Variants in CYP2R1 observed in about 807,000 individuals in gnomAD.
The protein encoded by CYP2R1 is cytochrome P450 family 2 subfamily R member 1.
CYP2R1 carries 40 observed loss-of-function variants against 45.7 expected under a neutral mutation model. The observed-to-expected ratio is 0.87, with a 90% CI of 0.68 to 1.14. The LOEUF (loss-of-function observed/expected upper bound fraction) is 1.14. CYP2R1 is among the 50% of genes most tolerant of loss of function. The pLI, the probability that CYP2R1 is intolerant of heterozygous loss-of-function variation, is 0.00. For missense variants in CYP2R1, 605 were observed against 602.6 expected (o/e 1.00, Z -0.04); for synonymous variants, 234 against 219.3 (o/e 1.07, Z -0.59).
chr11:14,882,788 T>C (rs919953656), intron 2 of CYP2R1, among the ~76,000 whole-genome samples: 18 of 152,200 alleles, frequency 1.2e-4, no homozygotes, highest in African/African-American at 3.6e-4. Context: ...AAAACCCCAC[T>C]GTCTCAGCCC....
chr11:14,882,199 A>G (rs1848414064), intron 2 of CYP2R1, among the ~76,000 whole-genome samples: 1 of 152,146 alleles, frequency 6.6e-6, no homozygotes, highest in Admixed American at 6.6e-5. Flanking sequence ...GGAATGTATC[A>G]GGGAACAAAA....
chr11:14,879,502 T>A, intron 3 of CYP2R1, 59 bp from the exon 4 acceptor site: 1 of 1,340,042 alleles, frequency 7.5e-7, no homozygotes, highest in Non-Finnish European at 1.0e-6. Flanking sequence ...CCTAAAGTTA[T>A]TTCCCTCTGG....
chr11:14,878,539 A>G (rs547749720), intron 4 of CYP2R1, among the ~76,000 whole-genome samples: 4 of 152,068 alleles, frequency 2.6e-5, no homozygotes, highest in Non-Finnish European at 4.4e-5. Flanking sequence ...TCCATCTCCC[A>G]CTTCCCTCCT....
Position 14,879,153 on chromosome 11 carries a change from A to C in CYP2R1, c.1291T>G (p.Tyr431Asp), listed in dbSNP as rs372849037. ...HPERFLDSSGYFAKKEALVPF... is the reference protein window; with the variant it reads ...HPERFLDSSGDFAKKEALVPF... The stretch of plus-strand genomic sequence containing the variant: ...ACCAAAGCTTCCTTCTTGGCAAAAT[A>C]TCCACTGCTGTCCAGAAATCGCTCA... Residue 431 changes from tyrosine (Y) to aspartate (D), a missense_variant, in exon 4 of 5, where the codon TAT (tyrosine) becomes GAT (aspartate). Transcript: ENST00000334636. The C allele has an allele frequency of 3.7e-6, 6 of 1,613,094 alleles. No homozygotes were observed. The Admixed American group carries it at 1.0e-4, about 27-fold the overall frequency.
chr11:14,891,868 G>A (rs1048289239), intron 1 of CYP2R1, 113 bp downstream of exon 1: 2 of 1,410,402 alleles, frequency 1.4e-6, no homozygotes, highest in Admixed American at 2.8e-5. Context: ...GCCGGCACAC[G>A]GAGAGGTCCC....
At position 14,880,485 on chromosome 11, in the gene CYP2R1, A is replaced by G. The variant is rs111576400; in HGVS notation, c.651T>C (p.Asn217=). 2,719 of 1,613,472 alleles carry G rather than the reference A, an allele frequency of 1.7e-3. 29 individuals are homozygous for G. The African/African-American group carries it at 0.025, about 15-fold the overall frequency. The change falls in exon 3 of 5, where the codon AAT becomes AAC. Residue 217 remains asparagine, a synonymous_variant. Transcript: ENST00000334636. ...CTGAGGCACTGGCAGCTAGTTCCAC[A>G]TTTTCACTAAATAACTCAATCATGT... ...FQHMIELFSE[N]VELAASASVF...
intron 1 of CYP2R1, chr11:14,890,950 G>A (rs1385743617): frequency 2.4e-5 from 24 of 985,298 alleles, no homozygotes; most frequent in Non-Finnish European, 2.8e-5. Flanking sequence ...TCAAAACACT[G>A]ACCACAGCCT....
At chr11:14,891,831 C>G (rs1385773625) in intron 1 of CYP2R1, 150 bp downstream of exon 1, 18 of 1,421,910 alleles carry the variant, frequency 1.3e-5, no homozygotes, top group Admixed American at 5.8e-5. Flanking sequence ...CTTCCAGACC[C>G]GGGAAGCGGG....
At position 14,892,069 on chromosome 11, in the gene CYP2R1, AGCCCCGGCG is replaced by A. The variant is rs1269929901; in HGVS notation, c.128_136del (p.Pro43_Gly45del). 2 of 1,611,948 alleles carry A rather than the reference AGCCCCGGCG, an allele frequency of 1.2e-6. No homozygotes were observed. Among genetic ancestry groups the A allele is most frequent in the South Asian group, 1.1e-5 (1 of 91,064 alleles). The stretch of plus-strand genomic sequence containing the variant: ...GGAATAGATGTTGCCGATAAATGGC[AGCCCCGGCG>A]GCCCCGGGGGGAAGCCCATCGGCCG... On this transcript the variant is annotated inframe_deletion, in exon 1 of 5. Transcript: ENST00000334636.
chr11:14,885,613 C>A (rs1162333877), intron 2 of CYP2R1, among the ~76,000 whole-genome samples, 163 bp downstream of exon 2: 2 of 152,062 alleles, frequency 1.3e-5, no homozygotes, highest in African/African-American at 4.8e-5. Flanking sequence ...CTAAAATATG[C>A]GTGTAGTACA....
intron 4 of CYP2R1, 67 bp downstream of exon 4, chr11:14,879,047 G>T: frequency 7.9e-7 from 1 of 1,263,268 alleles, no homozygotes. Context: ...TTCAGATTAA[G>T]ATGCTGTATC....
At chr11:14,879,783 G>A (rs989618873) in intron 3 of CYP2R1, among the ~76,000 whole-genome samples, 6 of 152,102 alleles carry the variant, frequency 3.9e-5, no homozygotes, top group African/African-American at 1.2e-4. Context: ...AAAGACATAA[G>A]TAATAAGAAT....
intron 2 of CYP2R1, among the ~76,000 whole-genome samples, chr11:14,884,235 T>C (rs1462716764): frequency 6.6e-6 from 1 of 151,932 alleles, no homozygotes; most frequent in Non-Finnish European, 1.5e-5. Context: ...TGCACACATA[T>C]GTTTATTGCG....
rs1555017371 is a variant in CYP2R1, at chr11:14,892,131, T to C, written c.75A>G (p.Leu25=). Residue 25 remains leucine (L), a synonymous_variant, in exon 1 of 5, where the codon CTA becomes CTG. Transcript: ENST00000334636. ...GGALFLLLFA[L]GVRQLLKQRR... ...TCTGCTTCAGCAGCTGGCGGACCCC[T>C]AGCGCGAAGAGCAGCAGGAAGAGCG... 2.5e-6 allele frequency: 4 copies of C among 1,611,572 alleles called. No homozygotes were observed. The highest frequency in any genetic ancestry group is 4.5e-5 in the East Asian group (2 of 44,848).
At chr11:14,886,430 C>A (rs1848623110) in intron 1 of CYP2R1, 1 of 158,704 alleles carries the variant, frequency 6.3e-6, no homozygotes, top group South Asian at 1.8e-4. Context: ...TGTAACTAAG[C>A]CCATTTGTAT....
At chr11:14,888,421 T>C (rs1419236512) in intron 1 of CYP2R1, among the ~76,000 whole-genome samples, 2 of 152,212 alleles carry the variant, frequency 1.3e-5, no homozygotes, top group Non-Finnish European at 2.9e-5. Context: ...AACAGACAAA[T>C]GTGCAAAGTG....
chr11:14,879,321 C>A lies in CYP2R1; in HGVS notation c.1123G>T (p.Val375Phe). 2.5e-6 allele frequency: 4 copies of A among 1,613,092 alleles called. No individual in the cohort carries two copies. Among genetic ancestry groups the A allele is most frequent in the Non-Finnish European group, 3.4e-6 (4 of 1,179,538 alleles). The change falls in exon 4 of 5, where the codon GTT (valine) becomes TTT (phenylalanine). Residue 375 changes from valine (V) to phenylalanine (F), a missense_variant. Coordinates refer to ENST00000334636, the MANE Select transcript of CYP2R1 (RefSeq NM_024514.5). ...LHEVLRFCNI[V>F]PLGIFHATSE... is the part of the protein sequence containing the mutation. The stretch of plus-strand genomic sequence containing the variant: ...GTTGCATGGAAAATCCCTAATGGAA[C>A]TATATTACAGAATCTTAAAACTTCA...
chr11:14,889,866 C>T (rs892450073), intron 1 of CYP2R1, among the ~76,000 whole-genome samples: 8 of 152,170 alleles, frequency 5.3e-5, no homozygotes, highest in Admixed American at 3.9e-4. Context: ...CAGTGGCTCA[C>T]ACCTGTAATC....
Position 14,880,466 on chromosome 11 carries a change from C to T in CYP2R1, c.670G>A (p.Ala224Thr). ...AAGGCATTATACAAGAAGACTGAGG[C>T]ACTGGCAGCTAGTTCCACATTTTCA... ...FSENVELAAS[A>T]SVFLYNAFPW... Residue 224 changes from alanine to threonine, a missense_variant, in exon 3 of 5, where the codon GCC becomes ACC. Ala to Thr is a moderately conservative substitution (Grantham distance 58). Transcript: ENST00000334636. 6.2e-7 allele frequency: 1 copy of T among 1,613,424 alleles called. No individual in the cohort carries two copies. The highest frequency in any genetic ancestry group is 8.5e-7 in the Non-Finnish European group (1 of 1,179,686).
Sources: gnomAD v4.1 joint callset for allele counts (sites outside exome capture counted in the v4.1 genomes callset) on GRCh38, gnomAD v4.1.1 for gene constraint, MANE v1.5 for transcripts, NCBI Gene and HGNC (gene_info 2026-07-23, HGNC 2026-07-21) for gene names.